ACTN4: variants seen among roughly 807,000 people sequenced by gnomAD.
ACTN4 encodes the protein alpha-actinin-4.
ACTN4 carries 18 observed loss-of-function variants against 114.2 expected under a neutral mutation model. The ratio of observed to expected loss-of-function variants is 0.16; its 90% confidence interval spans 0.11 to 0.23. The LOEUF is 0.23. ACTN4 is among the 10% of genes least tolerant of loss of function. The pLI is 1.00. For synonymous variants in ACTN4, 515 were observed against 506.3 expected (o/e 1.02, Z -0.23); for missense variants, 722 against 1,262.9 (o/e 0.57, Z 6.49).
At chr19:38,666,787 C>A (rs1464961319) in intron 1 of ACTN4, among the ~76,000 whole-genome samples, 1 of 152,212 alleles carries the variant, frequency 6.6e-6, no homozygotes, top group Non-Finnish European at 1.5e-5. Flanking sequence ...GGCTAATCAA[C>A]CCTCTCTAAG....
At chr19:38,649,464 A>C (rs1185072370) in intron 1 of ACTN4, among the ~76,000 whole-genome samples, 1 of 152,126 alleles carries the variant, frequency 6.6e-6, no homozygotes, top group African/African-American at 2.4e-5. Context: ...TTTTCTTTCC[A>C]GATTTGTTAC....
chr19:38,724,065 C>T lies in ACTN4; in HGVS notation c.1680C>T (p.Ile560=), dbSNP rs200269395. Residue 560 remains isoleucine (I), a synonymous_variant, in exon 14 of 21, where the codon ATC becomes ATT. Coordinates refer to ENST00000252699, the MANE Select transcript of ACTN4 (RefSeq NM_004924.6). This position sits in a 1 kb window ranked among gnomAD's most constrained non-coding sequence, Gnocchi z 7.0. ...AGGACATGTTCATCGTCCATACCAT[C>T]GAGGAGATTGAGGTTCGCACCCCCC... is the stretch of plus-strand genomic sequence containing the variant. ...DLQDMFIVHT[I]EEIEGLISAH... The T allele has an allele frequency of 3.9e-5, 63 of 1,613,776 alleles. No individual in the cohort carries two copies. The highest frequency in any genetic ancestry group is 3.1e-4 in the East Asian group (14 of 44,886).
At chr19:38,656,871 A>T (rs1039447064) in intron 1 of ACTN4, among the ~76,000 whole-genome samples, 3 of 152,070 alleles carry the variant, frequency 2.0e-5, no homozygotes, top group African/African-American at 7.2e-5. Flanking sequence ...ATGTCTTTTG[A>T]GAGTGGGTGG....
In ACTN4 at chr19:38,727,539, G is replaced by A. The variant is rs78054678; in HGVS notation, c.2338-407G>A. Among the ~76,000 whole-genome samples, 1 of 151,754 alleles carries A rather than the reference G, an allele frequency of 6.6e-6. No homozygotes were observed. Among genetic ancestry groups the A allele is most frequent in the South Asian group, 2.1e-4 (1 of 4,808 alleles). ...CACCCCTGCCGGGCTGACGGACTGA[G>A]AAGTGTGCAGCCTCAGCTCTGCACC... is the stretch of plus-strand genomic sequence containing the variant. On this transcript the variant is annotated intron_variant, in intron 18 of 20. Coordinates refer to ENST00000252699, the MANE Select transcript of ACTN4 (RefSeq NM_004924.6). The surrounding 1 kb of genome is among the most constrained non-coding windows in gnomAD (Gnocchi z 5.4).
intron 1 of ACTN4, among the ~76,000 whole-genome samples, chr19:38,680,891 C>T (rs2144921087): frequency 6.6e-6 from 1 of 152,040 alleles, no homozygotes; most frequent in East Asian, 1.9e-4. Context: ...TTTGGGAGGC[C>T]AAGGCGGGTA....
At chr19:38,653,258 C>A (rs1184121453) in intron 1 of ACTN4, among the ~76,000 whole-genome samples, 2 of 152,044 alleles carry the variant, frequency 1.3e-5, no homozygotes, top group East Asian at 3.9e-4. Flanking sequence ...TCTGCCAGTG[C>A]TAGTTAGCAA....
chr19:38,672,721 G>C (rs1967171204), intron 1 of ACTN4, among the ~76,000 whole-genome samples: 1 of 150,778 alleles, frequency 6.6e-6, no homozygotes, highest in Non-Finnish European at 1.5e-5. Flanking sequence ...TAACAGGCAT[G>C]TGCCACCACA....
At chr19:38,720,385 T>C (rs1438831880) in intron 11 of ACTN4, among the ~76,000 whole-genome samples, 1 of 152,186 alleles carries the variant, frequency 6.6e-6, no homozygotes, top group Non-Finnish European at 1.5e-5. Flanking sequence ...CAGAGGGAGA[T>C]GTCACCTGCT....
At chr19:38,663,834 A>G (rs1248806176) in intron 1 of ACTN4, among the ~76,000 whole-genome samples, 1 of 152,188 alleles carries the variant, frequency 6.6e-6, no homozygotes, top group African/African-American at 2.4e-5. Context: ...TGTCACAGAT[A>G]TCGTGAGTGG....
chr19:38,718,173 G>A (rs1035213561), intron 11 of ACTN4, 99 bp downstream of exon 11: 193 of 1,536,604 alleles, frequency 1.3e-4, no homozygotes, highest in African/African-American at 4.3e-4. Flanking sequence ...CCCCTGCCAC[G>A]TTGGGTCTGT....
At chr19:38,662,196 T>C (rs1976908308) in intron 1 of ACTN4, among the ~76,000 whole-genome samples, 1 of 152,158 alleles carries the variant, frequency 6.6e-6, no homozygotes, top group Admixed American at 6.5e-5. Context: ...CAACTCCCCA[T>C]TTGAAGGCAG....
chr19:38,662,371 T>C (rs1256033439), intron 1 of ACTN4, among the ~76,000 whole-genome samples: 1 of 152,080 alleles, frequency 6.6e-6, no homozygotes, highest in South Asian at 2.1e-4. Flanking sequence ...CTCTCAGCCT[T>C]AGCACTGATG....
intron 1 of ACTN4, among the ~76,000 whole-genome samples, chr19:38,660,012 C>A (rs1006938707): frequency 7.3e-5 from 11 of 151,600 alleles, no homozygotes. Flanking sequence ...CTCTGTCTCC[C>A]AGATTCAAGC....
intron 1 of ACTN4, among the ~76,000 whole-genome samples, chr19:38,689,133 T>C (rs1341841943): frequency 6.6e-6 from 1 of 152,202 alleles, no homozygotes; most frequent in East Asian, 1.9e-4. Context: ...TGTACATGAA[T>C]ATTCACGGTG....
chr19:38,722,118 C>T (rs1250780879), intron 12 of ACTN4, among the ~76,000 whole-genome samples: 1 of 152,206 alleles, frequency 6.6e-6, no homozygotes, highest in Non-Finnish European at 1.5e-5. Context: ...CCCTTTCTTG[C>T]TCAGAATACA....
chr19:38,666,731 A>C (rs1310412898), intron 1 of ACTN4, among the ~76,000 whole-genome samples: 1 of 152,210 alleles, frequency 6.6e-6, no homozygotes, highest in Non-Finnish European at 1.5e-5. Context: ...CAACACTTAG[A>C]GTGGGGCCCC....
chr19:38,684,479 G>T (rs1313675211), intron 1 of ACTN4, among the ~76,000 whole-genome samples: 1 of 152,166 alleles, frequency 6.6e-6, no homozygotes, highest in East Asian at 1.9e-4. Context: ...TTGTTTTGGG[G>T]CCAGGAGTCA....
intron 1 of ACTN4, among the ~76,000 whole-genome samples, chr19:38,666,615 G>A (rs1237626049): frequency 6.6e-6 from 1 of 152,240 alleles, no homozygotes; most frequent in Admixed American, 6.5e-5. Flanking sequence ...CCGCCATCAC[G>A]GCTGGGACTG....
At chr19:38,689,387 A>G (rs1188783342) in intron 1 of ACTN4, among the ~76,000 whole-genome samples, 1 of 152,212 alleles carries the variant, frequency 6.6e-6, no homozygotes, top group Non-Finnish European at 1.5e-5. Context: ...GACGAAAGAA[A>G]GGTAGGTTAG....
Sources: allele counts gnomAD v4.1 joint callset (sites outside exome capture counted in the v4.1 genomes callset), GRCh38; gene constraint gnomAD v4.1.1; non-coding constraint Gnocchi (gnomAD v3.1); transcripts MANE v1.5; gene names NCBI Gene and HGNC (gene_info 2026-07-23, HGNC 2026-07-21).